CREM: variants seen among roughly 807,000 people sequenced by gnomAD.
CREM encodes the protein cAMP-responsive element modulator.
In CREM, 13 loss-of-function variants were observed where a neutral mutation model predicts 37.3. The ratio of observed to expected loss-of-function variants is 0.35; its 90% confidence interval spans 0.23 to 0.55. The LOEUF is 0.55. CREM is among the 20% of genes least tolerant of loss of function. The probability of loss-of-function intolerance (pLI) is 0.88; values close to 1 mark genes in which losing one functional copy is unlikely to be tolerated. For missense variants in CREM, 296 were observed against 362.3 expected (o/e 0.82, Z 1.49); for synonymous variants, 124 against 120.2 (o/e 1.03, Z -0.21).
chr10:35,165,078 A>AAAAAG (rs1491207726), intron 3 of CREM, among the ~76,000 whole-genome samples: 67 of 148,890 alleles, frequency 4.5e-4, no homozygotes, highest in African/African-American at 1.6e-3. Context: ...AAAAAAAAAA[A>AAAAAG]GAAAAGGAAA....
At chr10:35,182,879 C>A (rs1459649761) in intron 5 of CREM, among the ~76,000 whole-genome samples, 1 of 152,134 alleles carries the variant, frequency 6.6e-6, no homozygotes, top group Non-Finnish European at 1.5e-5. Flanking sequence ...ATTTCAGAAG[C>A]ATATACCCGA....
intron 2 of CREM, among the ~76,000 whole-genome samples, chr10:35,143,239 G>A (rs529226599): frequency 1.6e-4 from 24 of 152,280 alleles, no homozygotes; most frequent in Admixed American, 7.2e-4. Context: ...AAAGTGCTGG[G>A]ATTACAGACG....
In CREM at chr10:35,207,003, T is replaced by C; in HGVS notation, c.707T>C (p.Leu236Pro). 1 of 1,614,112 alleles carries C rather than the reference T, an allele frequency of 6.2e-7. No individual in the cohort carries two copies. The highest frequency in any genetic ancestry group is 1.7e-5 in the Admixed American group (1 of 60,016). Reference protein sequence around the residue: ...SPGSLHSPQQLAEEATRKREL... With the variant: ...SPGSLHSPQQPAEEATRKREL... ...GGAAGTTTGCACAGTCCCCAGCAGC[T>C]GGCAGAAGAAGCAACACGCAAACGA... The change falls in exon 7 of 8, where the codon CTG becomes CCG. Residue 236 changes from leucine to proline, a missense_variant. Physicochemically the swap from Leu to Pro is moderately conservative, Grantham distance 98. Coordinates refer to ENST00000685392, the MANE Select transcript of CREM (RefSeq NM_183011.2).
At chr10:35,190,236 A>AT (rs1236973095) in intron 6 of CREM, among the ~76,000 whole-genome samples, 3 of 152,134 alleles carry the variant, frequency 2.0e-5, no homozygotes, top group African/African-American at 7.2e-5. Context: ...AGTCACAAAG[A>AT]TTTTTTTCCA....
intron 3 of CREM, among the ~76,000 whole-genome samples, chr10:35,158,817 G>GTTTTTTTTTTTTT (rs1491230780): frequency 1.5e-5 from 1 of 65,048 alleles, no homozygotes; most frequent in African/African-American, 4.6e-5. Flanking sequence ...TTGTTGTTTT[G>GTTTTTTTTTTTTT]TTTGTTTTTT....
At chr10:35,161,870 C>T (rs1382113827) in intron 3 of CREM, among the ~76,000 whole-genome samples, 1 of 152,124 alleles carries the variant, frequency 6.6e-6, no homozygotes, top group South Asian at 2.1e-4. Flanking sequence ...TATGGAGGTT[C>T]CTCCAGATAT....
At chr10:35,130,640 A>G (rs1385666286) in intron 1 of CREM, among the ~76,000 whole-genome samples, 1 of 152,112 alleles carries the variant, frequency 6.6e-6, no homozygotes, top group Non-Finnish European at 1.5e-5. Context: ...TACCTTTTCT[A>G]TGTTTAGGTA....
At position 35,158,168 on chromosome 10, in the gene CREM, T is replaced by C. The variant is rs1162219879; in HGVS notation, c.168+9677T>C. On this transcript the variant is annotated intron_variant, in intron 3 of 7. Transcript: ENST00000685392. ...TACCCAAAGCGGTCTACAGATTTAG[T>C]GCAATCCCTATCAGAAATATCAATG... is the stretch of plus-strand genomic sequence containing the variant. 3.9e-5 allele frequency: 6 copies of C among 154,802 alleles called. No homozygotes were observed. The Admixed American group carries it at 3.9e-4, about 10-fold the overall frequency. The allele number at this position is 154,802 out of a possible 1,614,324, so 9.6% of individuals were successfully genotyped here.
At chr10:35,177,875 GTGA>G (rs1465365063) in intron 3 of CREM, among the ~76,000 whole-genome samples, 1 of 152,110 alleles carries the variant, frequency 6.6e-6, no homozygotes, top group African/African-American at 2.4e-5. Flanking sequence ...ATATTTGGTG[GTGA>G]TATATGATTA....
At chr10:35,145,295 A>ACTC (rs2135875311) in intron 2 of CREM, among the ~76,000 whole-genome samples, 1 of 150,668 alleles carries the variant, frequency 6.6e-6, no homozygotes, top group African/African-American at 2.4e-5. Flanking sequence ...CAGATTTTCT[A>ACTC]CTCCAATCAC....
chr10:35,151,417 T>C (rs1207093815), intron 3 of CREM, among the ~76,000 whole-genome samples: 1 of 152,194 alleles, frequency 6.6e-6, no homozygotes, highest in Non-Finnish European at 1.5e-5. Flanking sequence ...TGGAATGCAG[T>C]GGTGCAATCT....
intron 6 of CREM, 134 bp from the exon 7 acceptor site, chr10:35,206,761 A>G (rs1013132063): frequency 1.4e-5 from 12 of 843,820 alleles, no homozygotes; most frequent in Admixed American, 2.1e-5. Flanking sequence ...TATAATGCTC[A>G]GAATAATTAT....
intron 3 of CREM, among the ~76,000 whole-genome samples, chr10:35,155,921 G>A (rs1412711699): frequency 1.3e-4 from 18 of 136,066 alleles, no homozygotes; most frequent in East Asian, 9.1e-4. Flanking sequence ...GAGCCACTGC[G>A]CCTGGCCTCT....
chr10:35,165,827 A>T (rs1001825382), intron 3 of CREM, among the ~76,000 whole-genome samples: 1 of 152,038 alleles, frequency 6.6e-6, no homozygotes, highest in African/African-American at 2.4e-5. Flanking sequence ...GAAAAAAAAA[A>T]GTTTAGCTAG....
intron 3 of CREM, among the ~76,000 whole-genome samples, chr10:35,177,993 A>T (rs2094171686): frequency 6.6e-6 from 1 of 151,844 alleles, no homozygotes; most frequent in Admixed American, 6.6e-5. Flanking sequence ...GTGAATATAC[A>T]CCTCCGTGTA....
chr10:35,167,589 A>G, intron 3 of CREM: 1 of 797,522 alleles, frequency 1.3e-6, no homozygotes, highest in South Asian at 1.7e-5. Context: ...GCTGTGTTAC[A>G]ACACTGTGAG....
chr10:35,147,774 C>CTTTATACG (rs1411265264), intron 2 of CREM, among the ~76,000 whole-genome samples: 1 of 152,188 alleles, frequency 6.6e-6, no homozygotes, highest in African/African-American at 2.4e-5. Flanking sequence ...ATCAGGAAGA[C>CTTTATACG]TTTATACGTT....
intron 3 of CREM, among the ~76,000 whole-genome samples, chr10:35,161,588 G>A (rs1287696952): frequency 4.0e-5 from 6 of 151,620 alleles, no homozygotes; most frequent in Non-Finnish European, 8.8e-5. Flanking sequence ...ACTTGAACCC[G>A]GGAGGCAGAA....
intron 1 of CREM, among the ~76,000 whole-genome samples, chr10:35,136,119 G>A (rs917819450): frequency 6.6e-6 from 1 of 152,142 alleles, no homozygotes; most frequent in Admixed American, 6.5e-5. Context: ...AAGAGGAAGC[G>A]GGCGGCTGTT....
Sources: allele counts gnomAD v4.1 joint callset (sites outside exome capture counted in the v4.1 genomes callset), GRCh38; gene constraint gnomAD v4.1.1; transcripts MANE v1.5; gene names NCBI Gene and HGNC (gene_info 2026-07-23, HGNC 2026-07-21).